The following SP100 variants were observed in gnomAD, a reference collection of about 807,000 sequenced individuals.
The protein encoded by SP100 is nuclear autoantigen Sp-100.
SP100 carries 84 observed loss-of-function variants against 130.0 expected under a neutral mutation model. The ratio of observed to expected loss-of-function variants is 0.65; its 90% CI spans 0.54 to 0.77. The LOEUF is 0.77. Among genes scored for constraint, SP100 ranks in the 30% least tolerant of loss-of-function variants. The probability of loss-of-function intolerance (pLI) is 0.00; values close to 1 mark genes in which losing one functional copy is unlikely to be tolerated. For missense variants in SP100, 978 were observed against 1,052.2 expected (o/e 0.93, Z 0.97); for synonymous variants, 331 against 351.7 (o/e 0.94, Z 0.66).
chr2:230,471,439 T>C, intron 15 of SP100, among the ~76,000 whole-genome samples: 1 of 152,240 alleles, frequency 6.6e-6, no homozygotes, highest in Non-Finnish European at 1.5e-5. Context: ...TCCTTGTTTG[T>C]CTTCATTGTC....
chr2:230,468,978 G>A, intron 13 of SP100, 65 bp from the exon 14 acceptor site: 1 of 964,500 alleles, frequency 1.0e-6, no homozygotes, highest in Middle Eastern at 2.8e-4. Context: ...AACAGTGTAA[G>A]CAGTCATAAG....
intron 10 of SP100, 27 bp from the exon 11 acceptor site, chr2:230,464,040 T>G: frequency 6.7e-7 from 1 of 1,484,222 alleles, no homozygotes; most frequent in East Asian, 2.3e-5. Flanking sequence ...CACTGAGACC[T>G]CTAAAGAATC....
chr2:230,462,232 C>T (rs2064692991), intron 9 of SP100, among the ~76,000 whole-genome samples: 1 of 152,166 alleles, frequency 6.6e-6, no homozygotes, highest in Non-Finnish European at 1.5e-5. Flanking sequence ...ATGGGCACAA[C>T]TGCCTTCTGT....
At position 230,543,185 on chromosome 2, in the gene SP100, C is replaced by G. The variant is rs1692239814; in HGVS notation, c.*239C>G. On this transcript the variant is annotated 3_prime_UTR_variant, in exon 29 of 29. Coordinates refer to ENST00000340126, the MANE Select transcript of SP100 (RefSeq NM_001080391.2). ...CCAAAATAATAAGAGCCATTTATGA[C>G]AAACCCACAGACAACATTATATGGA... 1 of 338,086 alleles carries G rather than the reference C, an allele frequency of 3.0e-6. No homozygotes were observed. The highest frequency in any genetic ancestry group is 4.3e-5 in the South Asian group (1 of 23,318). 20.9% of individuals were successfully genotyped at this position (338,086 alleles called of 1,614,324 possible).
At chr2:230,425,163 T>C (rs563650419) in intron 2 of SP100, among the ~76,000 whole-genome samples, 14 of 152,190 alleles carry the variant, frequency 9.2e-5, no homozygotes, top group Non-Finnish European at 2.1e-4. Flanking sequence ...TGAGAATATT[T>C]AAGATCTACT....
intron 17 of SP100, among the ~76,000 whole-genome samples, chr2:230,485,308 A>G (rs1036850821): frequency 2.0e-5 from 3 of 151,994 alleles, no homozygotes; most frequent in African/African-American, 7.2e-5. Flanking sequence ...AGCTTCTCAT[A>G]GGCAATGTTT....
chr2:230,442,412 CATTATT>C, intron 2 of SP100, among the ~76,000 whole-genome samples: 1 of 152,158 alleles, frequency 6.6e-6, no homozygotes, highest in Non-Finnish European at 1.5e-5. Flanking sequence ...AATGTGGTCT[CATTATT>C]ATTATTAAAC....
chr2:230,447,114 T>C (rs553410981), intron 5 of SP100, among the ~76,000 whole-genome samples: 1 of 152,184 alleles, frequency 6.6e-6, no homozygotes, highest in East Asian at 1.9e-4. Flanking sequence ...GAACCAAGCG[T>C]GTCAGTAGGC....
intron 2 of SP100, among the ~76,000 whole-genome samples, chr2:230,431,775 A>G (rs1293066128): frequency 6.6e-6 from 1 of 151,730 alleles, no homozygotes; most frequent in African/African-American, 2.4e-5. Flanking sequence ...CTTTTTTCAC[A>G]TTTTCCATAT....
At chr2:230,473,020 A>G (rs932821859) in intron 15 of SP100, 72 of 224,192 alleles carry the variant, frequency 3.2e-4, no homozygotes, top group African/African-American at 1.5e-3. Flanking sequence ...AAGACCTTCA[A>G]ACTTAACACC....
chr2:230,464,385 A>T (rs955155071), intron 11 of SP100, among the ~76,000 whole-genome samples: 4 of 152,228 alleles, frequency 2.6e-5, no homozygotes, highest in African/African-American at 9.6e-5. Context: ...ATACATTGAA[A>T]ATGTAGCAAA....
At chr2:230,470,363 C>G in intron 15 of SP100, 1 of 1,106,016 alleles carries the variant, frequency 9.0e-7, no homozygotes, top group African/African-American at 1.7e-5. Flanking sequence ...TTGTGGTATT[C>G]TTTTTTTTAA....
At chr2:230,512,570 G>C (rs2150085832) in intron 24 of SP100, among the ~76,000 whole-genome samples, 1 of 152,192 alleles carries the variant, frequency 6.6e-6, no homozygotes, top group South Asian at 2.1e-4. Context: ...TTACAGGCAT[G>C]AGCCACCGCA....
chr2:230,434,232 T>C (rs955248374), intron 2 of SP100, among the ~76,000 whole-genome samples: 2 of 152,166 alleles, frequency 1.3e-5, no homozygotes, highest in African/African-American at 2.4e-5. Flanking sequence ...CTATCCAAAT[T>C]ACTAGAATTA....
At chr2:230,534,196 A>G (rs1691827369) in intron 24 of SP100, among the ~76,000 whole-genome samples, 1 of 152,188 alleles carries the variant, frequency 6.6e-6, no homozygotes, top group South Asian at 2.1e-4. Context: ...TCAGGAGGTC[A>G]GGAGATTGAG....
At position 230,498,537 on chromosome 2, in the gene SP100, T is replaced by TAAA. The variant is rs34979917; in HGVS notation, c.1720+13_1720+15dup. 6 of 1,112,744 alleles carry TAAA rather than the reference T, an allele frequency of 5.4e-6. No individual in the cohort carries two copies. Among genetic ancestry groups the TAAA allele is most frequent in the African/African-American group, 5.0e-5 (3 of 59,848 alleles). 68.9% of individuals were successfully genotyped at this position (1,112,744 alleles called of 1,614,324 possible). Reference sequence around the variant, plus strand: ...AAAAGAAAAGATGGCAACAAAGAGGTAAAAAAAAAAAAATACATTTTAAAT... The same window carrying TAAA: ...AAAAGAAAAGATGGCAACAAAGAGGTAAAAAAAAAAAAAAAATACATTTTAAAT... On this transcript the variant is annotated splice_region_variant and intron_variant, in intron 19 of 28. Coordinates refer to ENST00000340126, the MANE Select transcript of SP100 (RefSeq NM_001080391.2).
chr2:230,439,674 A>G (rs2063408470), intron 2 of SP100, among the ~76,000 whole-genome samples: 1 of 152,038 alleles, frequency 6.6e-6, no homozygotes, highest in South Asian at 2.1e-4. Flanking sequence ...TTGTTGGTGT[A>G]TAGCAGTGCT....
intron 8 of SP100, among the ~76,000 whole-genome samples, chr2:230,459,596 G>A (rs1402978848): frequency 6.6e-6 from 1 of 152,164 alleles, no homozygotes; most frequent in East Asian, 1.9e-4. Flanking sequence ...GTCATCTATT[G>A]CTGTGTCATG....
intron 24 of SP100, among the ~76,000 whole-genome samples, chr2:230,520,964 CA>C (rs372762801): frequency 3.3e-5 from 5 of 152,330 alleles, no homozygotes; most frequent in African/African-American, 1.2e-4. Context: ...AATAAGTCAG[CA>C]CCCTTTTCAG....
Sources: allele counts gnomAD v4.1 joint callset (sites outside exome capture counted in the v4.1 genomes callset), GRCh38; gene constraint gnomAD v4.1.1; transcripts MANE v1.5; gene names NCBI Gene and HGNC (gene_info 2026-07-23, HGNC 2026-07-21).